The following LRFN2 variants were observed in gnomAD, a reference collection of about 807,000 sequenced individuals.
LRFN2 encodes the protein leucine rich repeat and fibronectin type III domain containing 2.
Under a neutral mutation model 37.3 loss-of-function variants are expected in LRFN2, and 18 were observed. The ratio of observed to expected loss-of-function variants is 0.48; its 90% CI spans 0.33 to 0.72. LRFN2 has a LOEUF of 0.72. Among genes scored for constraint, LRFN2 ranks in the 30% least tolerant of loss-of-function variants. LRFN2 has a pLI of 0.02. For synonymous variants in LRFN2, 556 were observed against 466.6 expected, an observed-to-expected ratio of 1.19 and a Z score of -2.47; for missense variants, 1,006 against 1,060.7, an observed-to-expected ratio of 0.95 and a Z score of 0.72.
At position 40,441,985 on chromosome 6, in the gene LRFN2, C is replaced by T. The variant is rs150750635; in HGVS notation, c.-18-8854G>A. 3.7e-3 allele frequency among the ~76,000 whole-genome samples: 560 copies of T among 152,232 alleles called. 4 individuals are homozygous for T. Among genetic ancestry groups the T allele is most frequent in the Non-Finnish European group, 5.9e-3 (402 of 68,016 alleles). ...GCATTTCCAGTCACCAGGGCCTTGC[C>T]GGGCCTTTCTCCCTCACCCAAGGAC... On this transcript the variant is annotated intron_variant, in intron 1 of 2. Transcript: ENST00000338305.
chr6:40,415,048 C>A (rs1250278192), intron 2 of LRFN2, among the ~76,000 whole-genome samples: 1 of 152,118 alleles, frequency 6.6e-6, no homozygotes, highest in Non-Finnish European at 1.5e-5. Flanking sequence ...ACTGCCAGAC[C>A]CCACATCTGC....
At chr6:40,426,753 T>C (rs1425006230) in intron 2 of LRFN2, among the ~76,000 whole-genome samples, 1 of 152,112 alleles carries the variant, frequency 6.6e-6, no homozygotes, top group East Asian at 1.9e-4. Flanking sequence ...AAGGTAAACT[T>C]CTCCCATTTC....
chr6:40,491,340 T>C (rs73732690), intron 1 of LRFN2, among the ~76,000 whole-genome samples: 4,298 of 152,316 alleles, frequency 0.028, 197 homozygotes, highest in African/African-American at 0.091. Flanking sequence ...GAGAAAGGTG[T>C]GGCTCTTGCC....
intron 2 of LRFN2, among the ~76,000 whole-genome samples, chr6:40,429,137 GTTTTCTGATGTTTCCA>G: frequency 6.6e-6 from 1 of 152,216 alleles, no homozygotes; most frequent in South Asian, 2.1e-4. Flanking sequence ...TTTATTCCAA[GTTTTCTGATGTTTCCA>G]TTTAATTTAC....
chr6:40,557,870 C>T (rs1321974359), intron 1 of LRFN2, among the ~76,000 whole-genome samples: 1 of 152,170 alleles, frequency 6.6e-6, no homozygotes, highest in Non-Finnish European at 1.5e-5. Flanking sequence ...ACAGCAACTT[C>T]TATGGGAGTG....
At chr6:40,424,874 C>T (rs1261723441) in intron 2 of LRFN2, among the ~76,000 whole-genome samples, 1 of 152,232 alleles carries the variant, frequency 6.6e-6, no homozygotes, top group Non-Finnish European at 1.5e-5. Context: ...ACTAGCTTCT[C>T]CCCATGGCCC....
chr6:40,430,963 C>T (rs1232477377), intron 2 of LRFN2, among the ~76,000 whole-genome samples: 2 of 152,046 alleles, frequency 1.3e-5, no homozygotes, highest in Non-Finnish European at 2.9e-5. Context: ...GTGAAGCCAA[C>T]CCAGAGAAAA....
At chr6:40,461,450 C>T (rs941536064) in intron 1 of LRFN2, among the ~76,000 whole-genome samples, 1 of 151,920 alleles carries the variant, frequency 6.6e-6, no homozygotes, top group Non-Finnish European at 1.5e-5. Context: ...ATTATACACA[C>T]TGCATGTCCA....
chr6:40,417,954 A>G (rs1290008065), intron 2 of LRFN2, among the ~76,000 whole-genome samples: 1 of 152,178 alleles, frequency 6.6e-6, no homozygotes, highest in African/African-American at 2.4e-5. Context: ...CTGCTGCGGT[A>G]TATTCTCCAA....
intron 1 of LRFN2, among the ~76,000 whole-genome samples, chr6:40,435,082 G>GAGAGAGAGAGAC (rs1554134660): frequency 7.4e-6 from 1 of 135,590 alleles, no homozygotes; most frequent in East Asian, 2.7e-4. Flanking sequence ...GAGAGAGAGA[G>GAGAGAGAGAGAC]AGAGAGAGAC....
chr6:40,408,881 C>A (rs1360891934), intron 2 of LRFN2, among the ~76,000 whole-genome samples: 2 of 152,174 alleles, frequency 1.3e-5, no homozygotes, highest in East Asian at 3.8e-4. Context: ...TTTTAAAAAA[C>A]AGCAACAAAA....
intron 2 of LRFN2, among the ~76,000 whole-genome samples, chr6:40,419,573 A>C (rs144072071): frequency 9.2e-5 from 14 of 152,318 alleles, no homozygotes; most frequent in African/African-American, 3.4e-4. Context: ...GATGTAAGCC[A>C]CCTAGAGTTT....
At chr6:40,502,969 G>A (rs1415293958) in intron 1 of LRFN2, among the ~76,000 whole-genome samples, 1 of 152,244 alleles carries the variant, frequency 6.6e-6, no homozygotes, top group African/African-American at 2.4e-5. Context: ...TGCCAGCAGT[G>A]AGAGGATAAT....
At chr6:40,431,061 T>C (rs1370309977) in intron 2 of LRFN2, among the ~76,000 whole-genome samples, 1 of 152,098 alleles carries the variant, frequency 6.6e-6, no homozygotes, top group Admixed American at 6.5e-5. Flanking sequence ...TCCTGACTTG[T>C]TAATGACATG....
chr6:40,413,337 G>A (rs969082484), intron 2 of LRFN2, among the ~76,000 whole-genome samples: 1 of 152,210 alleles, frequency 6.6e-6, no homozygotes, highest in African/African-American at 2.4e-5. Flanking sequence ...GACTGTCCGA[G>A]ATTCACAGTG....
At chr6:40,573,492 C>A (rs948295754) in intron 1 of LRFN2, among the ~76,000 whole-genome samples, 2 of 152,204 alleles carry the variant, frequency 1.3e-5, no homozygotes, top group Non-Finnish European at 2.9e-5. Flanking sequence ...CATCTCTGAG[C>A]CTGCCGGAGC....
rs1212912933 is a variant in LRFN2 at position 40,437,340 on chromosome 6, G to A, written c.-18-4209C>T. ...CATCCTTTGTGCCCTTCTACCCTTG[G>A]CTGTGTTGCCTGCCCTCTGGTAGAG... is the stretch of plus-strand genomic sequence containing the variant. On this transcript the variant is annotated intron_variant, in intron 1 of 2. Coordinates refer to ENST00000338305, the MANE Select transcript of LRFN2 (RefSeq NM_020737.3). 2.0e-5 allele frequency among the ~76,000 whole-genome samples: 3 copies of A among 152,092 alleles called. 1 individual carries two copies. Among genetic ancestry groups the A allele is most frequent in the Admixed American group, 2.0e-4 (3 of 15,276 alleles).
intron 1 of LRFN2, among the ~76,000 whole-genome samples, chr6:40,468,719 G>T (rs1010206201): frequency 6.6e-6 from 1 of 152,148 alleles, no homozygotes; most frequent in African/African-American, 2.4e-5. Flanking sequence ...CCTGTGAGGT[G>T]GTGGGAGGAC....
At chr6:40,549,085 A>C (rs1031645818) in intron 1 of LRFN2, among the ~76,000 whole-genome samples, 7 of 152,226 alleles carry the variant, frequency 4.6e-5, no homozygotes, top group Admixed American at 3.9e-4. Context: ...TTACCAAGCC[A>C]ATGGGGTGGG....
Sources: gnomAD v4.1 joint callset for allele counts (sites outside exome capture counted in the v4.1 genomes callset) on GRCh38, gnomAD v4.1.1 for gene constraint, MANE v1.5 for transcripts, NCBI Gene and HGNC (gene_info 2026-07-23, HGNC 2026-07-21) for gene names.